SSX7: variants seen among roughly 807,000 people sequenced by gnomAD.
The protein encoded by SSX7 is SSX family member 7, also known as protein SSX7.
In SSX7, 15 loss-of-function variants were observed where a neutral mutation model predicts 14.7. The observed-to-expected ratio is 1.02, with a 90% CI of 0.68 to 1.58. The LOEUF is 1.58. Ranked by LOEUF, SSX7 falls within the 40% of genes most tolerant of loss-of-function variation. SSX7 has a pLI of 0.00. For missense variants in SSX7, 178 were observed against 146.8 expected (o/e 1.21, Z -1.10); for synonymous variants, 46 against 50.6 (o/e 0.91, Z 0.38).
rs368539173 is a variant in SSX7 at position 52,653,294 on chromosome X, C to G, written c.69+110G>C. Reference sequence around the variant, plus strand: ...GAGGCTCTCAAGGATCCAGATCTCCCCCAAGACCCTGGTCCTTGTCTCCAG... The same window carrying G: ...GAGGCTCTCAAGGATCCAGATCTCCGCCAAGACCCTGGTCCTTGTCTCCAG... On this transcript the variant is annotated intron_variant, in intron 2 of 7. Coordinates refer to ENST00000298181, the MANE Select transcript of SSX7 (RefSeq NM_173358.2). The G allele has an allele frequency of 1.9e-5, 23 of 1,205,603 alleles. No individual in the cohort carries two copies. The East Asian group carries it at 4.5e-4, about 23-fold the overall frequency.
At chrX:52,646,773 C>T (rs1288975819) in intron 6 of SSX7, among the ~76,000 whole-genome samples, 7 of 111,324 alleles carry the variant, frequency 6.3e-5, no homozygotes, top group Non-Finnish European at 1.1e-4. Context: ...CTATAATGGC[C>T]GCTAAGTATT....
intron 6 of SSX7, among the ~76,000 whole-genome samples, chrX:52,646,593 G>T (rs782761288): frequency 1.8e-5 from 2 of 111,296 alleles, no homozygotes; most frequent in Admixed American, 1.9e-4. Context: ...GTAATTGTTT[G>T]GGGGGTGGGT....
intron 1 of SSX7, among the ~76,000 whole-genome samples, chrX:52,653,798 T>C (rs1166346878): frequency 8.1e-5 from 9 of 110,730 alleles, no homozygotes; most frequent in Non-Finnish European, 1.3e-4. Context: ...CTCTGAAAGA[T>C]GTACAGACCC....
At chrX:52,654,322 C>T (rs1336861170) in intron 1 of SSX7, among the ~76,000 whole-genome samples, 2 of 106,924 alleles carry the variant, frequency 1.9e-5, no homozygotes, top group African/African-American at 3.4e-5. Flanking sequence ...CCAAGGCCTA[C>T]GCGAGAGGAT....
chrX:52,649,657 G>T (rs1925366938), intron 5 of SSX7, among the ~76,000 whole-genome samples: 1 of 111,547 alleles, frequency 9.0e-6, no homozygotes, highest in Non-Finnish European at 1.9e-5. Context: ...GTAGGGAGGG[G>T]CCAACAGTCA....
chrX:52,652,341 T>C lies in SSX7; in HGVS notation c.191A>G (p.Lys64Arg), dbSNP rs1556767136. 1.7e-6 allele frequency: 2 copies of C among 1,198,035 alleles called. No homozygotes were observed. Among genetic ancestry groups the C allele is most frequent in the Admixed American group, 4.4e-5 (2 of 45,190 alleles). Reference sequence around the variant, plus strand: ...ATGCATGAAAGGTGGGAGGGTGGCCTTGAAGCCTAGAAAGAAGCAAAATGT... The same window carrying C: ...ATGCATGAAAGGTGGGAGGGTGGCCCTGAAGCCTAGAAAGAAGCAAAATGT... ...KYEAMTKLGFKATLPPFMHNT... is the reference protein window; with the variant it reads ...KYEAMTKLGFRATLPPFMHNT... Residue 64 changes from lysine to arginine, a missense_variant, in exon 4 of 8, where the codon AAG becomes AGG. By Grantham distance (26) the Lys-to-Arg change is conservative. Coordinates refer to ENST00000298181, the MANE Select transcript of SSX7 (RefSeq NM_173358.2).
Position 52,654,522 on chromosome X carries a change from C to A in SSX7, c.-21+240G>T, listed in dbSNP as rs781835848. Among the ~76,000 whole-genome samples, 450 of 107,883 alleles carry A rather than the reference C, an allele frequency of 4.2e-3. 2 individuals are homozygous for A. Among genetic ancestry groups the A allele is most frequent in the African/African-American group, 0.015 (435 of 29,624 alleles). The allele number at this position is 107,883 out of a possible 115,157, so 93.7% of individuals were successfully genotyped here. ...TGCTGGAATTACAAGCGTGAGCCAC[C>A]GTACCCGGCCCAAATTTGTTAAGTT... On this transcript the variant is annotated intron_variant, in intron 1 of 7. Transcript: ENST00000298181.
At chrX:52,649,096 G>T (rs1474629150) in intron 5 of SSX7, among the ~76,000 whole-genome samples, 1 of 111,302 alleles carries the variant, frequency 9.0e-6, no homozygotes, top group South Asian at 3.8e-4. Context: ...GCAGTGGCAC[G>T]ATCTCAGCTC....
intron 7 of SSX7, among the ~76,000 whole-genome samples, chrX:52,644,985 G>C (rs1164573350): frequency 9.0e-6 from 1 of 111,171 alleles, no homozygotes; most frequent in African/African-American, 3.3e-5. Context: ...AAGAGCTTAC[G>C]AAGGCCAGGC....
At chrX:52,648,441 C>T in intron 5 of SSX7, 45 bp from the exon 6 acceptor site, 1 of 1,202,775 alleles carries the variant, frequency 8.3e-7, no homozygotes, top group Non-Finnish European at 1.1e-6. Context: ...AGTGACATTT[C>T]TATAGTGCTT....
At chrX:52,648,136 C>A (rs1925308229) in intron 6 of SSX7, 125 bp downstream of exon 6, 2 of 979,392 alleles carry the variant, frequency 2.0e-6, no homozygotes, top group Admixed American at 6.3e-5. Flanking sequence ...TCATCTGGAG[C>A]TGGGCGAGCT....
At chrX:52,647,612 C>G (rs1424631672) in intron 6 of SSX7, among the ~76,000 whole-genome samples, 11 of 111,968 alleles carry the variant, frequency 9.8e-5, no homozygotes, top group Non-Finnish European at 1.9e-4. Context: ...GCCATCAACA[C>G]CGAGGCAAGA....
chrX:52,647,901 T>G (rs782525430), intron 6 of SSX7, among the ~76,000 whole-genome samples: 14 of 112,004 alleles, frequency 1.2e-4, no homozygotes, highest in African/African-American at 3.9e-4. Context: ...AGTAAGATAT[T>G]ATCCCAGGTT....
intron 4 of SSX7, among the ~76,000 whole-genome samples, chrX:52,651,800 A>G (rs1556767036): frequency 2.7e-5 from 3 of 111,518 alleles, no homozygotes; most frequent in East Asian, 2.8e-4. Context: ...ACTTGAACCC[A>G]GGAGGTGAAA....
chrX:52,654,104 T>C (rs1266196461), intron 1 of SSX7, among the ~76,000 whole-genome samples: 1 of 111,124 alleles, frequency 9.0e-6, no homozygotes, highest in Non-Finnish European at 1.9e-5. Context: ...GTAGGGAGTT[T>C]CAAGGTGCAG....
chrX:52,650,596 C>T (rs1312635340), intron 4 of SSX7, among the ~76,000 whole-genome samples, 194 bp from the exon 5 acceptor site: 1 of 112,148 alleles, frequency 8.9e-6, no homozygotes, highest in East Asian at 2.8e-4. Context: ...CAGAATTTTC[C>T]ATCTCATGGT....
At position 52,652,911 on chromosome X, in the gene SSX7, T is replaced by C. The variant is rs1925483677; in HGVS notation, c.143A>G (p.Tyr48Cys). ...CTCATACTTTCTCTTCATATACACA[T>C]AGCTGATTTTCTCCAAGGATTTCAT... The part of the protein sequence containing the change: ...EKMKSLEKIS[Y>C]VYMKRKYEAM... The change falls in exon 3 of 8, where the codon TAT becomes TGT. Residue 48 changes from tyrosine (Y) to cysteine (C), a missense_variant. Coordinates refer to ENST00000298181, the MANE Select transcript of SSX7 (RefSeq NM_173358.2). 1 of 1,203,607 alleles carries C rather than the reference T, an allele frequency of 8.3e-7. No homozygotes were observed. The highest frequency in any genetic ancestry group is 1.1e-6 in the Non-Finnish European group (1 of 889,815).
At chrX:52,644,984 C>T (rs368703127) in intron 7 of SSX7, among the ~76,000 whole-genome samples, 17 of 110,454 alleles carry the variant, frequency 1.5e-4, no homozygotes, top group African/African-American at 5.2e-4. Context: ...AAAGAGCTTA[C>T]GAAGGCCAGG....
At chrX:52,650,564 T>G (rs1925395232) in intron 4 of SSX7, among the ~76,000 whole-genome samples, 162 bp from the exon 5 acceptor site, 1 of 112,612 alleles carries the variant, frequency 8.9e-6, no homozygotes, top group Non-Finnish European at 1.9e-5. Flanking sequence ...CATGGTTGAT[T>G]CATTTATCTG....
Sources: allele counts gnomAD v4.1 joint callset (sites outside exome capture counted in the v4.1 genomes callset), GRCh38; gene constraint gnomAD v4.1.1; transcripts MANE v1.5; gene names NCBI Gene and HGNC (gene_info 2026-07-23, HGNC 2026-07-21).